The following ZNF597 variants were observed in gnomAD, a reference collection of about 807,000 sequenced individuals.
ZNF597 encodes zinc finger protein 597.
Under a neutral mutation model 7.3 loss-of-function variants are expected in ZNF597, and 5 were observed. The observed-to-expected ratio is 0.68, with a 90% CI of 0.36 to 1.44. ZNF597 has a LOEUF of 1.44. Among genes scored for constraint, ZNF597 ranks in the 40% most tolerant of loss-of-function variants. The pLI is 0.04. For missense variants in ZNF597, 585 were observed against 517.9 expected, an observed-to-expected ratio of 1.13 and a Z score of -1.26; for synonymous variants, 209 against 185.4, an observed-to-expected ratio of 1.13 and a Z score of -1.04.
chr16:3,443,136 CG>C lies in ZNF597; in HGVS notation c.17del (p.Pro6ArgfsTer24). Reference sequence around the variant, plus strand: ...CTCGACTCACCTGGGCCTCGGGCGTCGGGGGCATGGACGCCATTTGGCGGGT... The same window carrying C: ...CTCGACTCACCTGGGCCTCGGGCGTCGGGGCATGGACGCCATTTGGCGGGT... MASMP[P>X]TPEAQGPILF... On this transcript the variant is annotated frameshift_variant, in exon 2 of 4. Coordinates refer to ENST00000301744, the MANE Select transcript of ZNF597 (RefSeq NM_152457.3). LOFTEE classifies it high-confidence loss of function. The C allele has an allele frequency of 6.2e-7, 1 of 1,613,790 alleles. No individual in the cohort carries two copies. Among genetic ancestry groups the C allele is most frequent in the Non-Finnish European group, 8.5e-7 (1 of 1,179,864 alleles).
At position 3,434,397 on chromosome 16, in the gene ZNF597, A is replaced by T. The variant is rs138286927; in HGVS notation, c.*2027T>A. On this transcript the variant is annotated 3_prime_UTR_variant, in exon 4 of 4. Transcript: ENST00000301744. Reference sequence around the variant, plus strand: ...TCAGAGTTGCCTAATAAGTAATCTAACTGGAGACTATCTTTCTACACATTT... The same window carrying T: ...TCAGAGTTGCCTAATAAGTAATCTATCTGGAGACTATCTTTCTACACATTT... 9.2e-5 allele frequency: 14 copies of T among 152,290 alleles called. No homozygotes were observed. The highest frequency in any genetic ancestry group is 5.2e-4 in the Admixed American group (8 of 15,286). 9.4% of individuals were successfully genotyped at this position (152,290 alleles called of 1,614,324 possible).
intron 2 of ZNF597, 77 bp downstream of exon 2, chr16:3,443,044 A>C: frequency 1.3e-6 from 2 of 1,574,296 alleles, no homozygotes; most frequent in Non-Finnish European, 1.7e-6. Flanking sequence ...GGCATGCCCA[A>C]CTCTCCTCCA....
chr16:3,441,487 G>GGT (rs2034369493), intron 2 of ZNF597, among the ~76,000 whole-genome samples: 1 of 152,160 alleles, frequency 6.6e-6, no homozygotes, highest in African/African-American at 2.4e-5. Flanking sequence ...AGGAGTTCAA[G>GGT]ACCAGCCTGA....
At chr16:3,443,040 C>G (rs2034414822) in intron 2 of ZNF597, 81 bp downstream of exon 2, 6 of 1,567,404 alleles carry the variant, frequency 3.8e-6, no homozygotes, top group Non-Finnish European at 5.3e-6. Context: ...AACAGGCATG[C>G]CCAACTCTCC....
Position 3,435,396 on chromosome 16 carries a change from T to A in ZNF597, c.*1028A>T, listed in dbSNP as rs2034289991. ...TTTCCCTGGCTGCCTGCAGTGCTAC[T>A]ACGTGGTGCAAATGCCAACAAATGC... On this transcript the variant is annotated 3_prime_UTR_variant, in exon 4 of 4. Coordinates refer to ENST00000301744, the MANE Select transcript of ZNF597 (RefSeq NM_152457.3). 1 of 152,278 alleles carries A rather than the reference T, an allele frequency of 6.6e-6. No homozygotes were observed. The highest frequency in any genetic ancestry group is 1.5e-5 in the Non-Finnish European group (1 of 68,080). 9.4% of individuals were successfully genotyped at this position (152,278 alleles called of 1,614,324 possible).
In ZNF597 at chr16:3,434,687, G is replaced by A. The variant is rs1409311337; in HGVS notation, c.*1737C>T. The A allele has an allele frequency of 2.6e-5, 4 of 152,174 alleles. No homozygotes were observed. The highest frequency in any genetic ancestry group is 5.9e-5 in the Non-Finnish European group (4 of 68,018). 9.4% of individuals were successfully genotyped at this position (152,174 alleles called of 1,614,324 possible). Reference sequence around the variant, plus strand: ...TAATAAGAGCTTAGCTGAGTAGCCAGCATTTTTTGTATATTTAGTCCTCAA... The same window carrying A: ...TAATAAGAGCTTAGCTGAGTAGCCAACATTTTTTGTATATTTAGTCCTCAA... On this transcript the variant is annotated 3_prime_UTR_variant, in exon 4 of 4. Coordinates refer to ENST00000301744, the MANE Select transcript of ZNF597 (RefSeq NM_152457.3).
In ZNF597 at chr16:3,434,868, T is replaced by G. The variant is rs1180871622; in HGVS notation, c.*1556A>C. On this transcript the variant is annotated 3_prime_UTR_variant, in exon 4 of 4. Transcript: ENST00000301744. The stretch of plus-strand genomic sequence containing the variant: ...TATTTAAATAGAATGAGAGCATTCT[T>G]CCATCCTAATCAAAACCCATGTAAA... 1 of 152,216 alleles carries G rather than the reference T, an allele frequency of 6.6e-6. No homozygotes were observed. The highest frequency in any genetic ancestry group is 2.4e-5 in the African/African-American group (1 of 41,458). 9.4% of individuals were successfully genotyped at this position (152,216 alleles called of 1,614,324 possible). A position where few individuals can be genotyped will look rare whatever the true frequency, so the allele number is the denominator to read the frequency against.
At chr16:3,442,322 G>A (rs1426209585) in intron 2 of ZNF597, among the ~76,000 whole-genome samples, 1 of 142,210 alleles carries the variant, frequency 7.0e-6, no homozygotes, top group Non-Finnish European at 1.6e-5. Flanking sequence ...GGGGAGCCGA[G>A]GTGGGAGGAT....
chr16:3,436,674 T>C lies in ZNF597; in HGVS notation c.1025A>G (p.Gln342Arg), dbSNP rs1488755833. 15 of 1,613,500 alleles carry C rather than the reference T, an allele frequency of 9.3e-6. No homozygotes were observed. The highest frequency in any genetic ancestry group is 1.3e-5 in the Non-Finnish European group (15 of 1,179,768). The change falls in exon 4 of 4, where the codon CAG becomes CGG. Residue 342 changes from glutamine to arginine, a missense_variant. Transcript: ENST00000301744. Reference protein sequence around the residue: ...FFSFSKFKPLQCPDCDMTFPC... With the variant: ...FFSFSKFKPLRCPDCDMTFPC... ...AAAGGTCATGTCACAGTCAGGACAC[T>C]GTAAGGGCTTGAATTTTGAGAATGA...
Position 3,443,493 on chromosome 16 carries a change from G to T in ZNF597, c.-187C>A, listed in dbSNP as rs774474389. 1.9e-5 allele frequency: 10 copies of T among 515,700 alleles called. No homozygotes were observed. Among genetic ancestry groups the T allele is most frequent in the Non-Finnish European group, 3.4e-5 (10 of 296,078 alleles). The allele number at this position is 515,700 out of a possible 1,614,324, so 31.9% of individuals were successfully genotyped here. On this transcript the variant is annotated 5_prime_UTR_variant, in exon 1 of 4. Coordinates refer to ENST00000301744, the MANE Select transcript of ZNF597 (RefSeq NM_152457.3). Reference sequence around the variant, plus strand: ...TCTCATGCTCCTTTACGCAGGAGCTGCGGGAAAAGCCGCCGGAAGCGACCC... The same window carrying T: ...TCTCATGCTCCTTTACGCAGGAGCTTCGGGAAAAGCCGCCGGAAGCGACCC...
rs1163723401 is a variant in ZNF597, at chr16:3,432,554, TA to T, written c.*3869del. ...AAGACCCAAAACATTGAATAAACAG[TA>T]TAAGTGTATACAATAAATAGAATTC... On this transcript the variant is annotated 3_prime_UTR_variant, in exon 4 of 4. Transcript: ENST00000301744. 1 of 152,166 alleles carries T rather than the reference TA, an allele frequency of 6.6e-6. No individual in the cohort carries two copies. Among genetic ancestry groups the T allele is most frequent in the Non-Finnish European group, 1.5e-5 (1 of 68,034 alleles). The allele number at this position is 152,166 out of a possible 1,614,324, so 9.4% of individuals were successfully genotyped here.
intron 2 of ZNF597, among the ~76,000 whole-genome samples, chr16:3,441,411 G>C (rs907474272): frequency 6.6e-6 from 1 of 152,162 alleles, no homozygotes; most frequent in Non-Finnish European, 1.5e-5. Context: ...TTAAGGCTGG[G>C]CACAGTGGCT....
At position 3,436,783 on chromosome 16, in the gene ZNF597, T is replaced by C. The variant is rs1293304470; in HGVS notation, c.916A>G (p.Arg306Gly). 6.2e-7 allele frequency: 1 copy of C among 1,613,518 alleles called. No individual in the cohort carries two copies. Among genetic ancestry groups the C allele is most frequent in the African/African-American group, 1.3e-5 (1 of 74,936 alleles). Residue 306 changes from arginine (R) to glycine (G), a missense_variant, in exon 4 of 4, where the codon AGG becomes GGG. By Grantham distance (125) the Arg-to-Gly change is moderately radical. Transcript: ENST00000301744. ...GAAAGGGCAGGATATAAGGACTGCC[T>C]GAAGCTCTTCATGCACTTAGTGTGC... ...YQHTKCMKSF[R>G]QSLYPALSEK...
At chr16:3,438,112 G>A (rs1388530321) in intron 3 of ZNF597, among the ~76,000 whole-genome samples, 2 of 151,414 alleles carry the variant, frequency 1.3e-5, no homozygotes, top group Non-Finnish European at 2.9e-5. Flanking sequence ...CATGCCTATA[G>A]TCCTAGATAC....
chr16:3,436,782 C>G lies in ZNF597; in HGVS notation c.917G>C (p.Arg306Thr), dbSNP rs780943483. The G allele has an allele frequency of 2.5e-6, 4 of 1,613,602 alleles. No individual in the cohort carries two copies. Among genetic ancestry groups the G allele is most frequent in the Non-Finnish European group, 3.4e-6 (4 of 1,180,032 alleles). ...YQHTKCMKSF[R>T]QSLYPALSEK... ...GGAAAGGGCAGGATATAAGGACTGC[C>G]TGAAGCTCTTCATGCACTTAGTGTG... is the stretch of plus-strand genomic sequence containing the variant. The change falls in exon 4 of 4, where the codon AGG becomes ACG. Residue 306 changes from arginine to threonine, a missense_variant. Transcript: ENST00000301744.
chr16:3,439,698 A>G (rs553611076), intron 3 of ZNF597, among the ~76,000 whole-genome samples: 2 of 152,174 alleles, frequency 1.3e-5, no homozygotes, highest in African/African-American at 4.8e-5. Flanking sequence ...AACAAAGTCC[A>G]AAATATTTTT....
At chr16:3,442,593 T>C (rs1282497175) in intron 2 of ZNF597, among the ~76,000 whole-genome samples, 3 of 150,810 alleles carry the variant, frequency 2.0e-5, no homozygotes, top group Non-Finnish European at 4.4e-5. Flanking sequence ...GAGAATGGCA[T>C]GAACCCGGGA....
Position 3,436,022 on chromosome 16 carries a change from A to T in ZNF597, c.*402T>A, listed in dbSNP as rs1163558865. Reference sequence around the variant, plus strand: ...AAGTATAAAACATATAAAAGCATTTACTTTCCTAGATATGTCTGCAGAACT... The same window carrying T: ...AAGTATAAAACATATAAAAGCATTTTCTTTCCTAGATATGTCTGCAGAACT... On this transcript the variant is annotated 3_prime_UTR_variant, in exon 4 of 4. Coordinates refer to ENST00000301744, the MANE Select transcript of ZNF597 (RefSeq NM_152457.3). 2 of 170,208 alleles carry T rather than the reference A, an allele frequency of 1.2e-5. No homozygotes were observed. Among genetic ancestry groups the T allele is most frequent in the African/African-American group, 4.8e-5 (2 of 41,900 alleles). The allele number at this position is 170,208 out of a possible 1,614,324, so 10.5% of individuals were successfully genotyped here.
rs1385027957 is a variant in ZNF597 at position 3,441,270 on chromosome 16, G to A, written c.34-337C>T. 2.6e-5 allele frequency among the ~76,000 whole-genome samples: 4 copies of A among 152,042 alleles called. 1 individual carries two copies. The highest frequency in any genetic ancestry group is 4.1e-4 in the South Asian group (2 of 4,828). On this transcript the variant is annotated intron_variant, in intron 2 of 3. Transcript: ENST00000301744. The stretch of plus-strand genomic sequence containing the variant: ...CTAAGAAAAGGAGAGGTTTGGGGCC[G>A]GGTGTGGTGGCTCATGCCTGTAATC...
Sources: gnomAD v4.1 joint callset for allele counts (sites outside exome capture counted in the v4.1 genomes callset) on GRCh38, gnomAD v4.1.1 for gene constraint, MANE v1.5 for transcripts, NCBI Gene and HGNC (gene_info 2026-07-23, HGNC 2026-07-21) for gene names.